SCAI: variants seen among roughly 807,000 people sequenced by gnomAD.
The protein encoded by SCAI is protein SCAI.
A neutral mutation model predicts 92.2 loss-of-function variants in SCAI; 24 were observed. The observed-to-expected ratio is 0.26, with a 90% CI of 0.19 to 0.37. SCAI has a LOEUF of 0.37. Ranked by LOEUF, SCAI falls within the 10% of genes least tolerant of loss-of-function variation. The pLI, the probability that SCAI is intolerant of heterozygous loss-of-function variation, is 1.00. For missense variants in SCAI, 450 were observed against 736.2 expected (o/e 0.61, Z 4.50); for synonymous variants, 261 against 258.6 (o/e 1.01, Z -0.09).
At chr9:125,056,461 T>C (rs1477116166) in intron 2 of SCAI, among the ~76,000 whole-genome samples, 1 of 151,982 alleles carries the variant, frequency 6.6e-6, no homozygotes, top group African/African-American at 2.4e-5. Context: ...CGAGACACCA[T>C]CTCAAAAAAC....
chr9:125,071,850 C>A (rs906768760), intron 2 of SCAI, among the ~76,000 whole-genome samples: 1 of 152,146 alleles, frequency 6.6e-6, no homozygotes, highest in Non-Finnish European at 1.5e-5. Context: ...CTAGTGCACA[C>A]TGGTATAATT....
chr9:125,080,377 T>C (rs1834187313), intron 2 of SCAI, among the ~76,000 whole-genome samples: 1 of 152,252 alleles, frequency 6.6e-6, no homozygotes, highest in Non-Finnish European at 1.5e-5. Context: ...TAGGGTTGTC[T>C]GATCCCGAGT....
At chr9:125,143,353 C>CAA in intron 1 of SCAI, 32 bp downstream of exon 1, 1 of 1,218,968 alleles carries the variant, frequency 8.2e-7, no homozygotes, top group Non-Finnish European at 1.0e-6. Context: ...CCCACCCCAT[C>CAA]CCCAACCCCG....
At chr9:125,054,757 G>A (rs763314116) in intron 3 of SCAI, among the ~76,000 whole-genome samples, 5 of 152,332 alleles carry the variant, frequency 3.3e-5, no homozygotes, top group Middle Eastern at 3.4e-3. Context: ...GCAGAAGAGT[G>A]CAAGAGTTAA....
At chr9:125,115,394 A>AAAAAAT (rs1835023990) in intron 2 of SCAI, among the ~76,000 whole-genome samples, 1 of 149,684 alleles carries the variant, frequency 6.7e-6, no homozygotes, top group African/African-American at 2.5e-5. Context: ...AAAAAAAAAA[A>AAAAAAT]CTCTTGAAGC....
At chr9:125,040,217 T>C (rs1037343258) in intron 3 of SCAI, among the ~76,000 whole-genome samples, 3 of 151,674 alleles carry the variant, frequency 2.0e-5, no homozygotes, top group African/African-American at 7.3e-5. Context: ...ATTAGCCAAG[T>C]GTGGTGGCAG....
chr9:125,141,166 T>A (rs1835657356), intron 2 of SCAI, among the ~76,000 whole-genome samples: 1 of 152,216 alleles, frequency 6.6e-6, no homozygotes, highest in Admixed American at 6.6e-5. Context: ...TACAATTAAA[T>A]AAAATTAAAA....
At chr9:125,051,445 A>C (rs1429941399) in intron 3 of SCAI, among the ~76,000 whole-genome samples, 1 of 152,196 alleles carries the variant, frequency 6.6e-6, no homozygotes, top group Admixed American at 6.5e-5. Context: ...AGTATTGTAA[A>C]ATTTTAAAAC....
chr9:125,136,780 T>G (rs1835543297), intron 2 of SCAI, among the ~76,000 whole-genome samples: 1 of 149,720 alleles, frequency 6.7e-6, no homozygotes, highest in Non-Finnish European at 1.5e-5. Flanking sequence ...TTTTTTTTTT[T>G]TTTTTTGAGA....
At chr9:124,993,517 G>T (rs141558600) in intron 14 of SCAI, among the ~76,000 whole-genome samples, 4,391 of 152,282 alleles carry the variant, frequency 0.029, 225 homozygotes, top group African/African-American at 0.096. Flanking sequence ...TTGAACCTGG[G>T]AGGCGGAGGT....
intron 6 of SCAI, among the ~76,000 whole-genome samples, chr9:125,024,115 G>A (rs1271038625): frequency 6.6e-6 from 1 of 151,592 alleles, no homozygotes; most frequent in Admixed American, 6.6e-5. Flanking sequence ...GCCTTCTATT[G>A]TAATAATCAT....
intron 2 of SCAI, among the ~76,000 whole-genome samples, chr9:125,075,174 G>T (rs1834063645): frequency 6.6e-6 from 1 of 152,118 alleles, no homozygotes. Flanking sequence ...AAGGAAGCAT[G>T]ACTCAAAGTC....
At chr9:125,066,460 A>ATTTT (rs372205559) in intron 2 of SCAI, among the ~76,000 whole-genome samples, 148 of 138,450 alleles carry the variant, frequency 1.1e-3, no homozygotes, top group African/African-American at 3.2e-3. Context: ...TTATTTATTT[A>ATTTT]TTTATTTTTT....
intron 9 of SCAI, 58 bp downstream of exon 9, chr9:125,018,741 A>C (rs1832812403): frequency 1.0e-5 from 14 of 1,404,082 alleles, no homozygotes; most frequent in Non-Finnish European, 1.4e-5. Flanking sequence ...TTCTGTGATC[A>C]TCAATAGCAC....
chr9:125,103,316 T>C (rs1834715797), intron 2 of SCAI, among the ~76,000 whole-genome samples: 1 of 152,174 alleles, frequency 6.6e-6, no homozygotes, highest in African/African-American at 2.4e-5. Flanking sequence ...GGATGATTTT[T>C]CAGTCCTCCT....
In SCAI at chr9:124,943,429, CAA is replaced by C. The variant is rs1339427819; in HGVS notation, c.*9376_*9377del. 3 of 152,104 alleles carry C rather than the reference CAA, an allele frequency of 2.0e-5. No individual in the cohort carries two copies. Among genetic ancestry groups the C allele is most frequent in the Non-Finnish European group, 2.9e-5 (2 of 68,002 alleles). The allele number at this position is 152,104 out of a possible 1,614,324, so 9.4% of individuals were successfully genotyped here. On this transcript the variant is annotated 3_prime_UTR_variant, in exon 18 of 18. Coordinates refer to ENST00000336505, the MANE Select transcript of SCAI (RefSeq NM_001144877.3). Reference sequence around the variant, plus strand: ...ATTTGTGAATAGCTAAATAGGCAACCAAATAGCTTCATTATTTGCACGACAGA... The same window carrying C: ...ATTTGTGAATAGCTAAATAGGCAACCATAGCTTCATTATTTGCACGACAGA...
chr9:125,070,546 C>G (rs1833962312), intron 2 of SCAI, among the ~76,000 whole-genome samples: 1 of 151,904 alleles, frequency 6.6e-6, no homozygotes, highest in African/African-American at 2.4e-5. Context: ...TTACAGGCAC[C>G]TGCCACCAAA....
intron 2 of SCAI, among the ~76,000 whole-genome samples, chr9:125,122,170 T>TA (rs1373521047): frequency 2.6e-5 from 4 of 152,252 alleles, no homozygotes; most frequent in Non-Finnish European, 5.9e-5. Flanking sequence ...GGAATGTGAT[T>TA]ACACTAGGAT....
chr9:124,999,719 C>T (rs1277943269), intron 13 of SCAI, among the ~76,000 whole-genome samples, 172 bp downstream of exon 13: 3 of 152,232 alleles, frequency 2.0e-5, no homozygotes, highest in South Asian at 4.1e-4. Context: ...CTAGGATAGA[C>T]AGAGCCTGAA....
Sources: allele counts gnomAD v4.1 joint callset (sites outside exome capture counted in the v4.1 genomes callset), GRCh38; gene constraint gnomAD v4.1.1; transcripts MANE v1.5; gene names NCBI Gene and HGNC (gene_info 2026-07-23, HGNC 2026-07-21).